The following NME7 variants were observed in gnomAD, a reference collection of about 807,000 sequenced individuals.
The protein encoded by NME7 is NME/NM23 family member 7, also known as nucleoside diphosphate kinase 7.
Under a neutral mutation model 49.1 loss-of-function variants are expected in NME7, and 41 were observed. The observed-to-expected ratio is 0.83, with a 90% CI of 0.65 to 1.08. NME7 has a LOEUF of 1.08. Among genes scored for constraint, NME7 ranks in the 50% least tolerant of loss-of-function variants. The pLI, the probability that NME7 is intolerant of heterozygous loss-of-function variation, is 0.00. For missense variants in NME7, 423 were observed against 463.4 expected (o/e 0.91, Z 0.80); for synonymous variants, 139 against 150.6 (o/e 0.92, Z 0.56).
intron 7 of NME7, chr1:169,286,324 A>G (rs911001388): frequency 6.6e-6 from 1 of 152,052 alleles, no homozygotes; most frequent in African/African-American, 2.4e-5. Flanking sequence ...TACTATATAC[A>G]TGGATTACTT....
chr1:169,310,929 G>T (rs1302860777), intron 3 of NME7, among the ~76,000 whole-genome samples: 1 of 152,074 alleles, frequency 6.6e-6, no homozygotes, highest in Non-Finnish European at 1.5e-5. Context: ...AATACTATTT[G>T]CAAATGCAAC....
chr1:169,287,437 A>G (rs1650321430), intron 6 of NME7, 29 bp from the exon 7 acceptor site: 2 of 1,449,446 alleles, frequency 1.4e-6, no homozygotes, highest in East Asian at 2.4e-5. Context: ...GATTTTGACA[A>G]ATGTGATCTC....
intron 10 of NME7, among the ~76,000 whole-genome samples, chr1:169,218,414 CCT>C (rs1661037149): frequency 6.6e-6 from 1 of 151,948 alleles, no homozygotes; most frequent in Non-Finnish European, 1.5e-5. Context: ...GGTGGTACCT[CCT>C]CTCTACAAAA....
At chr1:169,163,193 T>C (rs1047993163) in intron 11 of NME7, among the ~76,000 whole-genome samples, 1 of 151,876 alleles carries the variant, frequency 6.6e-6, no homozygotes, top group Admixed American at 6.6e-5. Flanking sequence ...TGACATGAGA[T>C]GACAACTAAC....
chr1:169,183,193 A>G (rs1035722079), intron 10 of NME7, among the ~76,000 whole-genome samples: 8 of 152,376 alleles, frequency 5.3e-5, no homozygotes, highest in Admixed American at 4.6e-4. Context: ...TTATAAGTGC[A>G]TGCTCATAAA....
intron 10 of NME7, among the ~76,000 whole-genome samples, chr1:169,220,958 A>G (rs1268402984): frequency 6.6e-6 from 1 of 152,204 alleles, no homozygotes; most frequent in Non-Finnish European, 1.5e-5. Context: ...ATTGACAGGC[A>G]GGAATATGAA....
intron 10 of NME7, among the ~76,000 whole-genome samples, chr1:169,185,303 C>A (rs1479026470): frequency 6.6e-6 from 1 of 152,180 alleles, no homozygotes; most frequent in Non-Finnish European, 1.5e-5. Flanking sequence ...CCTTCATACA[C>A]TTCTACATGA....
intron 10 of NME7, among the ~76,000 whole-genome samples, chr1:169,186,587 A>G (rs1195216945): frequency 6.6e-6 from 1 of 151,998 alleles, no homozygotes; most frequent in Non-Finnish European, 1.5e-5. Context: ...GGTAGTTTGT[A>G]TTTCTGTGGG....
At chr1:169,273,692 ATGAG>A (rs1391877513) in intron 7 of NME7, among the ~76,000 whole-genome samples, 1 of 125,326 alleles carries the variant, frequency 8.0e-6, no homozygotes, top group South Asian at 2.5e-4. Flanking sequence ...ATTCCCATCT[ATGAG>A]TGAGAACATG....
chr1:169,356,558 G>T (rs1408104383), intron 1 of NME7, among the ~76,000 whole-genome samples: 1 of 152,094 alleles, frequency 6.6e-6, no homozygotes, highest in Non-Finnish European at 1.5e-5. Flanking sequence ...AAAAAGAATT[G>T]CTTAAAAATT....
chr1:169,281,850 C>T (rs1047093033), intron 7 of NME7, among the ~76,000 whole-genome samples: 6 of 152,148 alleles, frequency 3.9e-5, no homozygotes, highest in Admixed American at 1.3e-4. Flanking sequence ...TTCGGTTTGC[C>T]AGTATTTTAT....
intron 11 of NME7, among the ~76,000 whole-genome samples, chr1:169,143,583 T>C (rs1658668311): frequency 6.6e-6 from 1 of 152,224 alleles, no homozygotes; most frequent in Non-Finnish European, 1.5e-5. Context: ...CCTTCCTCAT[T>C]AGACTATGAG....
At chr1:169,314,962 C>T (rs538955224) in intron 3 of NME7, among the ~76,000 whole-genome samples, 1 of 152,168 alleles carries the variant, frequency 6.6e-6, no homozygotes, top group Admixed American at 6.5e-5. Flanking sequence ...TGAAGATGGT[C>T]TCTTCATAGT....
chr1:169,213,357 A>C (rs1318370660), intron 10 of NME7, among the ~76,000 whole-genome samples: 1 of 137,742 alleles, frequency 7.3e-6, no homozygotes, highest in African/African-American at 2.6e-5. Context: ...ATGAGAATGA[A>C]CTGCACAGGA....
chr1:169,303,314 T>C, intron 4 of NME7, 119 bp from the exon 5 acceptor site: 1 of 426,462 alleles, frequency 2.3e-6, no homozygotes, highest in Non-Finnish European at 4.0e-6. Flanking sequence ...TATATTTTAA[T>C]TAATAATTTT....
At chr1:169,321,034 A>G (rs563856255) in intron 3 of NME7, among the ~76,000 whole-genome samples, 1 of 152,182 alleles carries the variant, frequency 6.6e-6, no homozygotes, top group Non-Finnish European at 1.5e-5. Context: ...CTTCAGTCAA[A>G]TCATAGTTAA....
intron 10 of NME7, among the ~76,000 whole-genome samples, chr1:169,202,005 G>C (rs1030869585): frequency 9.2e-5 from 14 of 152,106 alleles, no homozygotes; most frequent in African/African-American, 3.1e-4. Context: ...AGATAATCTG[G>C]GGAGTCTGGC....
At chr1:169,188,598 T>C (rs998626469) in intron 10 of NME7, among the ~76,000 whole-genome samples, 3 of 152,198 alleles carry the variant, frequency 2.0e-5, no homozygotes, top group Non-Finnish European at 4.4e-5. Flanking sequence ...AATAACCACA[T>C]TCCAGCTATT....
intron 11 of NME7, among the ~76,000 whole-genome samples, chr1:169,142,772 G>A (rs1192664110): frequency 6.6e-6 from 1 of 152,154 alleles, no homozygotes; most frequent in Admixed American, 6.5e-5. Flanking sequence ...GGGGTTTAGA[G>A]GAGGGCCTCT....
Sources: gnomAD v4.1 joint callset for allele counts (sites outside exome capture counted in the v4.1 genomes callset) on GRCh38, gnomAD v4.1.1 for gene constraint, MANE v1.5 for transcripts, NCBI Gene and HGNC (gene_info 2026-07-23, HGNC 2026-07-21) for gene names.